Variants in RAB31 observed in about 807,000 individuals in gnomAD.
The protein encoded by RAB31 is ras-related protein Rab-31.
In RAB31, 21 loss-of-function variants were observed where a neutral mutation model predicts 25.6. The ratio of observed to expected loss-of-function variants is 0.82; its 90% CI spans 0.58 to 1.18. The LOEUF (loss-of-function observed/expected upper bound fraction) is 1.18, where lower values mean the gene tolerates loss of function less well. Among genes scored for constraint, RAB31 ranks in the 50% most tolerant of loss-of-function variants. The pLI is 0.00. For synonymous variants in RAB31, 87 were observed against 84.0 expected, an observed-to-expected ratio of 1.04 and a Z score of -0.20; for missense variants, 196 against 250.1, an observed-to-expected ratio of 0.78 and a Z score of 1.46.
chr18:9,843,065 C>G (rs2068742156), intron 5 of RAB31, among the ~76,000 whole-genome samples: 1 of 152,170 alleles, frequency 6.6e-6, no homozygotes, highest in Non-Finnish European at 1.5e-5. Flanking sequence ...TGCAGTTGGA[C>G]TGATTAGAGG....
intron 5 of RAB31, among the ~76,000 whole-genome samples, chr18:9,825,055 G>T (rs935009215): frequency 1.3e-5 from 2 of 152,180 alleles, no homozygotes; most frequent in African/African-American, 4.8e-5. Flanking sequence ...AGGCCATTCT[G>T]TTCTCTCCAC....
chr18:9,770,559 G>C (rs1478423347), intron 1 of RAB31, among the ~76,000 whole-genome samples: 1 of 152,234 alleles, frequency 6.6e-6, no homozygotes, highest in African/African-American at 2.4e-5. Flanking sequence ...CCAGGAAGTA[G>C]ATGGAACCAA....
intron 6 of RAB31, among the ~76,000 whole-genome samples, chr18:9,846,729 G>A (rs2068763736): frequency 1.3e-5 from 2 of 152,162 alleles, no homozygotes; most frequent in South Asian, 4.1e-4. Flanking sequence ...CTGTTTAACT[G>A]GTTTGAGTGC....
chr18:9,836,783 C>T (rs897003583), intron 5 of RAB31, among the ~76,000 whole-genome samples: 1 of 150,204 alleles, frequency 6.7e-6, no homozygotes. Context: ...TGGGTAGAGT[C>T]AGTGTGTGAG....
At chr18:9,767,914 A>G (rs2068324591) in intron 1 of RAB31, among the ~76,000 whole-genome samples, 1 of 149,802 alleles carries the variant, frequency 6.7e-6, no homozygotes, top group Non-Finnish European at 1.5e-5. Context: ...GCTCCCCTCC[A>G]TGTGTCCATG....
chr18:9,806,283 T>C (rs1249145966), intron 3 of RAB31, among the ~76,000 whole-genome samples: 1 of 152,260 alleles, frequency 6.6e-6, no homozygotes, highest in Non-Finnish European at 1.5e-5. Flanking sequence ...CTCTCCCTGG[T>C]TTCACAGGGT....
chr18:9,792,886 A>G (rs1337348564), intron 3 of RAB31, among the ~76,000 whole-genome samples: 1 of 152,310 alleles, frequency 6.6e-6, no homozygotes. Context: ...TCTTACTGGA[A>G]AAGTGGGTAA....
At chr18:9,738,745 T>C (rs2068162972) in intron 1 of RAB31, among the ~76,000 whole-genome samples, 1 of 152,242 alleles carries the variant, frequency 6.6e-6, no homozygotes, top group Non-Finnish European at 1.5e-5. Context: ...GAAGTGGTCA[T>C]GGGAACCCTG....
intron 5 of RAB31, among the ~76,000 whole-genome samples, chr18:9,818,982 T>A (rs1336077821): frequency 6.6e-6 from 1 of 152,220 alleles, no homozygotes. Context: ...TTGGATTGTC[T>A]TTTTATTATC....
intron 2 of RAB31, among the ~76,000 whole-genome samples, chr18:9,789,019 T>C (rs924436286): frequency 3.9e-5 from 6 of 152,078 alleles, no homozygotes; most frequent in African/African-American, 1.4e-4. Context: ...GAAAATGTGG[T>C]ATATATACAC....
chr18:9,801,284 A>ATT (rs3039670), intron 3 of RAB31, among the ~76,000 whole-genome samples: 8,207 of 141,138 alleles, frequency 0.058, 285 homozygotes, highest in South Asian at 0.11. Context: ...CTTTGTGTAG[A>ATT]TTTTTTTTTT....
In RAB31 at chr18:9,815,213, C is replaced by A; in HGVS notation, c.371C>A (p.Ser124Ter). Residue 124 changes from serine to a stop codon, truncating the protein, a stop_gained, in exon 5 of 7, where the codon TCA (serine) becomes TAA (stop). Coordinates refer to ENST00000578921, the MANE Select transcript of RAB31 (RefSeq NM_006868.4). LOFTEE classifies it high-confidence loss of function. ...ATCGCTGGAAACAAGTGCGACCTCT[C>A]AGATATTAGGTAAGATGCATTGAAA... ...MAIAGNKCDLSDIREVPLKDA... is the reference protein window; with the variant it reads ...MAIAGNKCDL The A allele has an allele frequency of 6.5e-7, 1 of 1,542,906 alleles. No homozygotes were observed. Among genetic ancestry groups the A allele is most frequent in the South Asian group, 1.2e-5 (1 of 83,908 alleles).
chr18:9,824,306 GTGTATGTGTGTGTAGA>G (rs905403308), intron 5 of RAB31, among the ~76,000 whole-genome samples: 4 of 125,934 alleles, frequency 3.2e-5, no homozygotes, highest in East Asian at 4.1e-4. Flanking sequence ...GTGTGTAGAT[GTGTATGTGTGTGTAGA>G]TGTATGTGTG....
chr18:9,733,067 A>G (rs2068131549), intron 1 of RAB31, among the ~76,000 whole-genome samples: 1 of 152,196 alleles, frequency 6.6e-6, no homozygotes, highest in Non-Finnish European at 1.5e-5. Context: ...AGCAAATAGA[A>G]TGGCGAGTTA....
intron 5 of RAB31, among the ~76,000 whole-genome samples, chr18:9,831,797 A>T (rs1328131950): frequency 6.6e-5 from 10 of 152,330 alleles, no homozygotes; most frequent in Non-Finnish European, 1.0e-4. Flanking sequence ...GTTTTCTCGA[A>T]CACGGGGTGC....
rs528742255 is a variant in RAB31 at position 9,819,647 on chromosome 18, G to A, written c.380+4425G>A. Among the ~76,000 whole-genome samples the A allele has an allele frequency of 2.0e-5, 3 of 152,100 alleles. No homozygotes were observed. In the East Asian group the frequency reaches 5.8e-4, roughly 29 times the overall value. On this transcript the variant is annotated intron_variant, in intron 5 of 6. Transcript: ENST00000578921. ...AACAGAAATTGTGTTGAATCTTTAG[G>A]CCCATTCAGGTATTATTCCCATCTT...
chr18:9,719,292 AAAAAAAATATATATATAT>A (rs2068060686), intron 1 of RAB31, among the ~76,000 whole-genome samples: 1 of 55,670 alleles, frequency 1.8e-5, no homozygotes, highest in Non-Finnish European at 4.0e-5. Context: ...AAAAAAAAAA[AAAAAAAATATATATATAT>A]ATATATATAT....
Position 9,793,043 on chromosome 18 carries a change from G to T in RAB31, c.201+808G>T, listed in dbSNP as rs79676457. 7.6e-3 allele frequency among the ~76,000 whole-genome samples: 1,153 copies of T among 152,288 alleles called. 42 individuals are homozygous for T. The East Asian group carries it at 0.1, about 14-fold the overall frequency. ...AAGGGAAATGACGAATACTAGCACA[G>T]TGTCTATTGCTGGATACTTGCATAA... On this transcript the variant is annotated intron_variant, in intron 3 of 6. Coordinates refer to ENST00000578921, the MANE Select transcript of RAB31 (RefSeq NM_006868.4).
chr18:9,855,489 G>A (rs552390420), intron 6 of RAB31, among the ~76,000 whole-genome samples: 2 of 152,244 alleles, frequency 1.3e-5, no homozygotes, highest in Non-Finnish European at 2.9e-5. Flanking sequence ...ATTCAACAGA[G>A]TTCCAAGGTG....
Sources: gnomAD v4.1 joint callset for allele counts (sites outside exome capture counted in the v4.1 genomes callset) on GRCh38, gnomAD v4.1.1 for gene constraint, MANE v1.5 for transcripts, NCBI Gene and HGNC (gene_info 2026-07-23, HGNC 2026-07-21) for gene names.